The following MS4A4A variants were observed in gnomAD, a reference collection of about 807,000 sequenced individuals.
MS4A4A encodes the protein membrane spanning 4-domains A4A.
A neutral mutation model predicts 28.0 loss-of-function variants in MS4A4A; 26 were observed. The ratio of observed to expected loss-of-function variants is 0.93; its 90% CI spans 0.68 to 1.29. The LOEUF is 1.29. MS4A4A is among the 50% of genes most tolerant of loss of function. The pLI is 0.00. For missense variants in MS4A4A, 290 were observed against 293.1 expected, an observed-to-expected ratio of 0.99 and a Z score of 0.08; for synonymous variants, 86 against 100.8, an observed-to-expected ratio of 0.85 and a Z score of 0.88.
intron 1 of MS4A4A, among the ~76,000 whole-genome samples, chr11:60,291,723 A>T (rs1006207469): frequency 3.3e-5 from 5 of 149,300 alleles, no homozygotes; most frequent in Admixed American, 2.0e-4. Flanking sequence ...GTTTGAACCC[A>T]GGAGGCAGAG....
intron 5 of MS4A4A, among the ~76,000 whole-genome samples, chr11:60,304,420 C>T (rs541603496): frequency 1.3e-5 from 2 of 152,306 alleles, no homozygotes; most frequent in South Asian, 4.2e-4. Flanking sequence ...CATAGCTGGT[C>T]CTCCATTCAT....
At chr11:60,300,698 T>G (rs2084946482) in intron 3 of MS4A4A, among the ~76,000 whole-genome samples, 1 of 151,974 alleles carries the variant, frequency 6.6e-6, no homozygotes, top group Admixed American at 6.6e-5. Flanking sequence ...TCATCAATTT[T>G]GGTACCATGT....
At chr11:60,285,274 C>T (rs1014313217) in intron 1 of MS4A4A, among the ~76,000 whole-genome samples, 7 of 152,012 alleles carry the variant, frequency 4.6e-5, no homozygotes, top group Non-Finnish European at 1.0e-4. Context: ...GATGCTGAGA[C>T]GGGAAGATCA....
At chr11:60,291,966 G>A (rs977357369) in intron 1 of MS4A4A, among the ~76,000 whole-genome samples, 3 of 151,966 alleles carry the variant, frequency 2.0e-5, no homozygotes, top group African/African-American at 4.8e-5. Context: ...GGTTTACCTC[G>A]CTTCTGTCAA....
intron 2 of MS4A4A, among the ~76,000 whole-genome samples, chr11:60,294,342 T>C (rs995849292): frequency 9.9e-5 from 15 of 152,200 alleles, no homozygotes; most frequent in African/African-American, 3.6e-4. Context: ...ATTTGTTGTA[T>C]ATTTTGGGTA....
At chr11:60,297,643 G>T (rs1230053358) in intron 3 of MS4A4A, among the ~76,000 whole-genome samples, 1 of 152,166 alleles carries the variant, frequency 6.6e-6, no homozygotes, top group Non-Finnish European at 1.5e-5. Context: ...TCATTTCTAG[G>T]ATGGCTTCAT....
chr11:60,282,846 G>A (rs1190528616), intron 1 of MS4A4A: 1 of 813,476 alleles, frequency 1.2e-6, no homozygotes, highest in Non-Finnish European at 1.6e-6. Context: ...GGCTTTTAAA[G>A]GGGATGGTGA....
At chr11:60,293,563 T>G (rs2084876152) in intron 2 of MS4A4A, among the ~76,000 whole-genome samples, 2 of 152,206 alleles carry the variant, frequency 1.3e-5, no homozygotes, top group South Asian at 4.1e-4. Flanking sequence ...GTTCATTCTC[T>G]GTGTTGTGTG....
intron 3 of MS4A4A, among the ~76,000 whole-genome samples, chr11:60,298,574 G>GGT (rs2084925214): frequency 6.6e-6 from 1 of 152,164 alleles, no homozygotes; most frequent in African/African-American, 2.4e-5. Flanking sequence ...GAGAGGTTAA[G>GGT]TAACTAACCC....
chr11:60,285,106 G>T (rs368563506), intron 1 of MS4A4A, among the ~76,000 whole-genome samples: 3 of 152,170 alleles, frequency 2.0e-5, no homozygotes, highest in African/African-American at 4.8e-5. Context: ...AATCAAGAGT[G>T]GCAAGAACTC....
chr11:60,289,081 G>A (rs1157728417), intron 1 of MS4A4A, among the ~76,000 whole-genome samples: 1 of 152,172 alleles, frequency 6.6e-6, no homozygotes, highest in Non-Finnish European at 1.5e-5. Context: ...GTGTGGTGTA[G>A]TGGTGGTTAA....
At chr11:60,284,448 G>A (rs1409377621) in intron 1 of MS4A4A, among the ~76,000 whole-genome samples, 4 of 152,134 alleles carry the variant, frequency 2.6e-5, no homozygotes, top group Non-Finnish European at 5.9e-5. Context: ...AACCTTCTCC[G>A]GTCTTGGGGA....
At chr11:60,291,875 C>T (rs2084860128) in intron 1 of MS4A4A, among the ~76,000 whole-genome samples, 3 of 151,384 alleles carry the variant, frequency 2.0e-5, no homozygotes, top group Admixed American at 2.0e-4. Flanking sequence ...AGGGATTAGG[C>T]AGTAAGAGGG....
chr11:60,308,236 G>T lies in MS4A4A; in HGVS notation c.*58G>T. ...GAAATCTATGCTGACTGTGACACAA[G>T]AGCCTCACATGAGAAATTACCAGTA... On this transcript the variant is annotated 3_prime_UTR_variant, in exon 7 of 7. Coordinates refer to ENST00000337908, the MANE Select transcript of MS4A4A (RefSeq NM_148975.3). The T allele has an allele frequency of 6.5e-7, 1 of 1,526,964 alleles. No homozygotes were observed. Among genetic ancestry groups the T allele is most frequent in the Non-Finnish European group, 9.1e-7 (1 of 1,102,708 alleles). 94.6% of individuals were successfully genotyped at this position (1,526,964 alleles called of 1,614,324 possible). A position where few individuals can be genotyped will look rare whatever the true frequency, so the allele number is the denominator to read the frequency against.
At chr11:60,291,735 T>G (rs139822043) in intron 1 of MS4A4A, among the ~76,000 whole-genome samples, 178 of 149,494 alleles carry the variant, frequency 1.2e-3, no homozygotes, top group African/African-American at 4.0e-3. Context: ...GAGGCAGAGG[T>G]TGCAGTGTGC....
intron 1 of MS4A4A, among the ~76,000 whole-genome samples, chr11:60,282,275 T>C (rs776627522): frequency 6.6e-6 from 1 of 152,180 alleles, no homozygotes; most frequent in African/African-American, 2.4e-5. Context: ...ACCCAACATG[T>C]CCTAAATTCT....
At chr11:60,289,063 C>G (rs1365762058) in intron 1 of MS4A4A, among the ~76,000 whole-genome samples, 2 of 152,056 alleles carry the variant, frequency 1.3e-5, no homozygotes, top group Non-Finnish European at 2.9e-5. Flanking sequence ...GGTATGGCTA[C>G]CAGGTGTGTG....
At chr11:60,300,205 C>G (rs190297557) in intron 3 of MS4A4A, among the ~76,000 whole-genome samples, 240 of 152,262 alleles carry the variant, frequency 1.6e-3, no homozygotes, top group African/African-American at 5.3e-3. Flanking sequence ...ACCAACTTGA[C>G]TAGTTATTTT....
chr11:60,287,813 A>C (rs750883496), intron 1 of MS4A4A, among the ~76,000 whole-genome samples: 23 of 152,242 alleles, frequency 1.5e-4, no homozygotes, highest in Admixed American at 6.5e-5. Flanking sequence ...AGACTTTCTC[A>C]GTTCAAAAGA....
Sources: allele counts gnomAD v4.1 joint callset (sites outside exome capture counted in the v4.1 genomes callset), GRCh38; gene constraint gnomAD v4.1.1; transcripts MANE v1.5; gene names NCBI Gene and HGNC (gene_info 2026-07-23, HGNC 2026-07-21).